CCDC178: variants seen among roughly 807,000 people sequenced by gnomAD.
The protein encoded by CCDC178 is coiled-coil domain-containing protein 178.
A neutral mutation model predicts 117.4 loss-of-function variants in CCDC178; 126 were observed. The ratio of observed to expected loss-of-function variants is 1.07; its 90% CI spans 0.93 to 1.24. The LOEUF is 1.24. CCDC178 is among the 50% of genes most tolerant of loss of function. The pLI is 0.00. For missense variants in CCDC178, 1,030 were observed against 986.9 expected (o/e 1.04, Z -0.59); for synonymous variants, 283 against 313.4 (o/e 0.90, Z 1.02).
At chr18:33,353,423 G>A (rs1053272496) in intron 7 of CCDC178, among the ~76,000 whole-genome samples, 6 of 151,868 alleles carry the variant, frequency 4.0e-5, no homozygotes, top group African/African-American at 1.4e-4. Flanking sequence ...ATAAGGAAGG[G>A]ATTATTTTTG....
At chr18:33,208,325 T>C (rs1427885918) in intron 20 of CCDC178, among the ~76,000 whole-genome samples, 4 of 152,110 alleles carry the variant, frequency 2.6e-5, no homozygotes, top group Admixed American at 2.6e-4. Context: ...TCCAGATTTA[T>C]CACATATTCA....
chr18:33,122,165 T>C (rs1013803151), intron 20 of CCDC178, among the ~76,000 whole-genome samples: 1 of 152,200 alleles, frequency 6.6e-6, no homozygotes, highest in Non-Finnish European at 1.5e-5. Context: ...TAGAATACTA[T>C]ATACATTTTG....
intron 15 of CCDC178, among the ~76,000 whole-genome samples, chr18:33,234,266 T>A (rs1321702812): frequency 6.6e-6 from 1 of 152,120 alleles, no homozygotes; most frequent in Non-Finnish European, 1.5e-5. Flanking sequence ...TTTCCTTGTA[T>A]TCTCCTTCCC....
At chr18:33,196,221 AG>A (rs2058928368) in intron 20 of CCDC178, among the ~76,000 whole-genome samples, 1 of 152,190 alleles carries the variant, frequency 6.6e-6, no homozygotes, top group African/African-American at 2.4e-5. Context: ...TGGAGAATAA[AG>A]GTCAGCCACA....
chr18:33,123,491 A>C (rs756194784), intron 20 of CCDC178, among the ~76,000 whole-genome samples: 1 of 152,174 alleles, frequency 6.6e-6, no homozygotes, highest in African/African-American at 2.4e-5. Context: ...CTCTAACCAC[A>C]TCATTTAAAT....
intron 20 of CCDC178, among the ~76,000 whole-genome samples, chr18:33,137,244 C>T (rs2058140113): frequency 6.6e-6 from 1 of 152,144 alleles, no homozygotes; most frequent in Non-Finnish European, 1.5e-5. Flanking sequence ...CATTAAGCAT[C>T]TATTATGCAT....
chr18:33,376,673 GCTCCC>G (rs2063370800), intron 5 of CCDC178, among the ~76,000 whole-genome samples: 1 of 152,008 alleles, frequency 6.6e-6, no homozygotes, highest in Admixed American at 6.6e-5. Context: ...CCATTGTTTA[GCTCCC>G]ACTTATAAGT....
At chr18:32,965,926 A>G (rs2144672349) in intron 22 of CCDC178, among the ~76,000 whole-genome samples, 1 of 149,158 alleles carries the variant, frequency 6.7e-6, no homozygotes, top group East Asian at 2.0e-4. Flanking sequence ...GATTTAAATA[A>G]ATGCTTATTT....
At chr18:33,263,846 A>C (rs547021782) in intron 14 of CCDC178, among the ~76,000 whole-genome samples, 1 of 152,092 alleles carries the variant, frequency 6.6e-6, no homozygotes, top group Non-Finnish European at 1.5e-5. Flanking sequence ...GATTAACTCA[A>C]CTTTATCCTA....
chr18:33,324,546 C>A (rs978466468), intron 10 of CCDC178, among the ~76,000 whole-genome samples: 5 of 151,882 alleles, frequency 3.3e-5, no homozygotes, highest in African/African-American at 1.2e-4. Flanking sequence ...ACCAGTGGAA[C>A]AGAAGAAAGC....
At chr18:33,361,161 G>A (rs1369268362) in intron 6 of CCDC178, among the ~76,000 whole-genome samples, 1 of 151,586 alleles carries the variant, frequency 6.6e-6, no homozygotes, top group Non-Finnish European at 1.5e-5. Flanking sequence ...CAATGGAATA[G>A]AATAGAGAGT....
chr18:33,336,550 T>C (rs575730914), intron 9 of CCDC178, among the ~76,000 whole-genome samples: 1 of 152,118 alleles, frequency 6.6e-6, no homozygotes, highest in African/African-American at 2.4e-5. Context: ...AACTTTGATA[T>C]TACTGGTTTA....
intron 3 of CCDC178, among the ~76,000 whole-genome samples, chr18:33,409,876 G>A (rs1446307081): frequency 1.3e-5 from 2 of 152,100 alleles, no homozygotes; most frequent in African/African-American, 4.8e-5. Flanking sequence ...TGCTCACCAA[G>A]CACATTTTAA....
intron 14 of CCDC178, among the ~76,000 whole-genome samples, chr18:33,264,296 A>G (rs965368904): frequency 2.6e-5 from 4 of 152,054 alleles, no homozygotes; most frequent in African/African-American, 9.7e-5. Context: ...AGTTAGAAAC[A>G]AGAATATAAG....
intron 5 of CCDC178, among the ~76,000 whole-genome samples, chr18:33,386,052 C>G (rs1400089376): frequency 6.6e-6 from 1 of 152,198 alleles, no homozygotes; most frequent in African/African-American, 2.4e-5. Context: ...AAACAACCAT[C>G]AGAGAATACT....
At chr18:33,425,780 G>A (rs903880676) in intron 2 of CCDC178, among the ~76,000 whole-genome samples, 1 of 152,142 alleles carries the variant, frequency 6.6e-6, no homozygotes. Flanking sequence ...TGATGGGGCC[G>A]AGGAGAGAAG....
chr18:33,357,299 T>A (rs773778386), intron 6 of CCDC178, among the ~76,000 whole-genome samples: 18 of 152,152 alleles, frequency 1.2e-4, no homozygotes, highest in Non-Finnish European at 2.1e-4. Flanking sequence ...AATAAACCTC[T>A]AAATTGATTA....
intron 14 of CCDC178, among the ~76,000 whole-genome samples, chr18:33,260,027 C>T (rs1466168184): frequency 1.3e-5 from 2 of 151,806 alleles, no homozygotes; most frequent in African/African-American, 2.4e-5. Context: ...TACACCAGTA[C>T]CACCCTCATT....
At chr18:32,965,057 TCAAA>T (rs2054783479) in intron 22 of CCDC178, among the ~76,000 whole-genome samples, 1 of 151,888 alleles carries the variant, frequency 6.6e-6, no homozygotes, top group Non-Finnish European at 1.5e-5. Flanking sequence ...ACCCGGCACC[TCAAA>T]CAGTGACTGG....
Sources: gnomAD v4.1 joint callset for allele counts (sites outside exome capture counted in the v4.1 genomes callset) on GRCh38, gnomAD v4.1.1 for gene constraint, MANE v1.5 for transcripts, NCBI Gene and HGNC (gene_info 2026-07-23, HGNC 2026-07-21) for gene names.